The following CENPP variants were observed in gnomAD, a reference collection of about 807,000 sequenced individuals.
CENPP encodes the protein centromere protein P.
Under a neutral mutation model 35.6 loss-of-function variants are expected in CENPP, and 24 were observed. The observed-to-expected ratio is 0.67, with a 90% CI of 0.49 to 0.95. The LOEUF (loss-of-function observed/expected upper bound fraction) is 0.95. Ranked by LOEUF, CENPP falls within the 40% of genes least tolerant of loss-of-function variation. The pLI is 0.00. For missense variants in CENPP, 332 were observed against 345.3 expected (o/e 0.96, Z 0.31); for synonymous variants, 120 against 125.5 (o/e 0.96, Z 0.29).
chr9:92,421,968 T>C (rs1843811991), intron 5 of CENPP, among the ~76,000 whole-genome samples: 1 of 152,200 alleles, frequency 6.6e-6, no homozygotes, highest in Admixed American at 6.5e-5. Context: ...GGATATAGAA[T>C]ATTCTATACA....
intron 5 of CENPP, among the ~76,000 whole-genome samples, chr9:92,549,507 C>T (rs568366234): frequency 3.9e-5 from 6 of 152,108 alleles, no homozygotes; most frequent in African/African-American, 1.2e-4. Flanking sequence ...ATTAGCTGGG[C>T]GTTGTGGCAC....
chr9:92,401,127 G>A lies in CENPP; in HGVS notation c.564+21268G>A, dbSNP rs146105137. 1.8e-4 allele frequency: 275 copies of A among 1,544,858 alleles called. No individual in the cohort carries two copies. The highest frequency in any genetic ancestry group is 2.4e-4 in the Non-Finnish European group (264 of 1,119,018). Reference sequence around the variant, plus strand: ...TTTCTTGGGAGGTAATGGTGTTATTGCCTCATCTTTTTGTAATTGAAGACT... The same window carrying A: ...TTTCTTGGGAGGTAATGGTGTTATTACCTCATCTTTTTGTAATTGAAGACT... On this transcript the variant is annotated intron_variant, in intron 5 of 7. Transcript: ENST00000375587.
chr9:92,422,334 G>A (rs2130971654), intron 5 of CENPP, among the ~76,000 whole-genome samples: 1 of 152,306 alleles, frequency 6.6e-6, no homozygotes, highest in South Asian at 2.1e-4. Context: ...GATTACAGGT[G>A]TGAGCCACCT....
intron 5 of CENPP, among the ~76,000 whole-genome samples, chr9:92,393,697 G>C (rs992111992): frequency 6.6e-6 from 1 of 152,098 alleles, no homozygotes; most frequent in African/African-American, 2.4e-5. Context: ...AGCACCCCAA[G>C]TCATTTATTA....
In CENPP at chr9:92,618,763, G is replaced by C. The variant is rs548902833; in HGVS notation, c.*5614G>C. On this transcript the variant is annotated 3_prime_UTR_variant, in exon 8 of 8. Coordinates refer to ENST00000375587, the MANE Select transcript of CENPP (RefSeq NM_001012267.3). ...GTGCCTGCCAGGGAACAGGAATCCT[G>C]GGAACTGTTTAGTTCAAAAGCACCG... The C allele has an allele frequency of 2.8e-6, 1 of 359,312 alleles. No individual in the cohort carries two copies. The highest frequency in any genetic ancestry group is 2.1e-5 in the South Asian group (1 of 47,526). 22.3% of individuals were successfully genotyped at this position (359,312 alleles called of 1,614,324 possible).
At chr9:92,336,336 T>C (rs1379690291) in intron 2 of CENPP, among the ~76,000 whole-genome samples, 1 of 152,212 alleles carries the variant, frequency 6.6e-6, no homozygotes, top group Non-Finnish European at 1.5e-5. Context: ...TTAACCAGTC[T>C]TCCTATTTTG....
chr9:92,326,058 A>G lies in CENPP; in HGVS notation c.60A>G (p.Arg20=). Residue 20 remains arginine, a synonymous_variant, in exon 1 of 8, where the codon CGA becomes CGG. Transcript: ENST00000375587. ...ALQAEIAALR[R]ACEDPPAPWE... ...AAGCTGAGATCGCGGCCCTGCGGCGAGCGTGTGAGGACCCACCGGCGCCCT... is the reference window on the plus strand; with the variant it reads ...AAGCTGAGATCGCGGCCCTGCGGCGGGCGTGTGAGGACCCACCGGCGCCCT... The G allele has an allele frequency of 6.4e-7, 1 of 1,565,196 alleles. No homozygotes were observed. The highest frequency in any genetic ancestry group is 8.7e-7 in the Non-Finnish European group (1 of 1,155,748).
intron 5 of CENPP, among the ~76,000 whole-genome samples, chr9:92,443,001 A>C (rs949361040): frequency 6.6e-6 from 1 of 152,220 alleles, no homozygotes; most frequent in East Asian, 1.9e-4. Flanking sequence ...AAAAATTGAG[A>C]ACAAGGCAAG....
intron 5 of CENPP, chr9:92,393,304 G>A: frequency 1.5e-6 from 2 of 1,348,262 alleles, no homozygotes; most frequent in Non-Finnish European, 2.0e-6. Flanking sequence ...TTCTCCTCTA[G>A]TAGTAAAATT....
rs1213731251 is a variant in CENPP at position 92,382,892 on chromosome 9, CTTTTTTTTT to C, written c.564+3050_564+3058del. 5.7e-5 allele frequency among the ~76,000 whole-genome samples: 4 copies of C among 69,812 alleles called. No individual in the cohort carries two copies. The East Asian group carries it at 2.0e-3, about 36-fold the overall frequency. The allele number at this position is 69,812 out of a possible 152,430, so 45.8% of individuals were successfully genotyped here. The stretch of plus-strand genomic sequence containing the variant: ...CTTACGCTAGTACCACACTGTTTTC[CTTTTTTTTT>C]TTTTTTTTTTTTTTTTAGACAGAGT... On this transcript the variant is annotated intron_variant, in intron 5 of 7. Coordinates refer to ENST00000375587, the MANE Select transcript of CENPP (RefSeq NM_001012267.3).
intron 5 of CENPP, among the ~76,000 whole-genome samples, chr9:92,408,987 CT>C (rs1564305273): frequency 6.6e-6 from 1 of 152,148 alleles, no homozygotes; most frequent in Non-Finnish European, 1.5e-5. Flanking sequence ...ATGTATTTTA[CT>C]TCCCAGACTA....
chr9:92,386,319 G>A (rs746613465), intron 5 of CENPP: 1 of 1,458,958 alleles, frequency 6.9e-7, no homozygotes, highest in East Asian at 2.3e-5. Flanking sequence ...TTTCATGTGA[G>A]TGTTATTGAG....
intron 4 of CENPP, among the ~76,000 whole-genome samples, chr9:92,352,540 A>ATATATATATATATATATATATATAG: frequency 1.9e-5 from 1 of 53,188 alleles, no homozygotes; most frequent in East Asian, 3.0e-4. Flanking sequence ...TATATATATA[A>ATATATATATATATATATATATATAG]TATAACGGGG....
At chr9:92,373,762 G>T (rs1281077475) in intron 4 of CENPP, among the ~76,000 whole-genome samples, 1 of 152,132 alleles carries the variant, frequency 6.6e-6, no homozygotes, top group Non-Finnish European at 1.5e-5. Flanking sequence ...GGAGGCGGAG[G>T]TTGCAGTGAG....
Position 92,379,747 on chromosome 9 carries a change from T to G in CENPP, c.468-16T>G, listed in dbSNP as rs751178579. 29 of 1,542,512 alleles carry G rather than the reference T, an allele frequency of 1.9e-5. No individual in the cohort carries two copies. Among genetic ancestry groups the G allele is most frequent in the Non-Finnish European group, 2.5e-5 (28 of 1,117,994 alleles). On this transcript the variant is annotated splice_polypyrimidine_tract_variant and intron_variant, in intron 4 of 7. Transcript: ENST00000375587. The stretch of plus-strand genomic sequence containing the variant: ...TTAATGATATTTATTAATCAGAGAA[T>G]CATTTATTCCTACAGAGCAGAAGAG...
chr9:92,372,099 C>CTTTTTTTTTTTTTT (rs71362382), intron 4 of CENPP, among the ~76,000 whole-genome samples: 73 of 30,698 alleles, frequency 2.4e-3, no homozygotes, highest in East Asian at 6.2e-3. Flanking sequence ...TGCCAGCCAT[C>CTTTTTTTTTTTTTT]TTTTTTTTTT....
In CENPP at chr9:92,389,742, TAAATC is replaced by T. The variant is rs1411851761; in HGVS notation, c.564+9887_564+9891del. On this transcript the variant is annotated intron_variant, in intron 5 of 7. Transcript: ENST00000375587. ...TTATGTAAATAATGTCTTCATTTATTAAATCAAAATAGTTTTTAAGTGTAATCAAA... is the reference window on the plus strand; with the variant it reads ...TTATGTAAATAATGTCTTCATTTATTAAAATAGTTTTTAAGTGTAATCAAA... 6.9e-5 allele frequency: 47 copies of T among 681,514 alleles called. No individual in the cohort carries two copies. In the East Asian group the frequency reaches 1.2e-3, roughly 18 times the overall value. 42.2% of individuals were successfully genotyped at this position (681,514 alleles called of 1,614,324 possible). A position where few individuals can be genotyped will look rare whatever the true frequency, so the allele number is the denominator to read the frequency against.
intron 5 of CENPP, among the ~76,000 whole-genome samples, chr9:92,592,797 G>T (rs1024658786): frequency 6.6e-6 from 1 of 152,152 alleles, no homozygotes; most frequent in Non-Finnish European, 1.5e-5. Context: ...TAGCCAGTTG[G>T]GTGTGTGTGT....
At chr9:92,569,495 G>A (rs990305208) in intron 5 of CENPP, among the ~76,000 whole-genome samples, 6 of 152,198 alleles carry the variant, frequency 3.9e-5, no homozygotes, top group Non-Finnish European at 5.9e-5. Context: ...TTGTAGTATA[G>A]TTTGAAGTCA....
Sources: allele counts gnomAD v4.1 joint callset (sites outside exome capture counted in the v4.1 genomes callset), GRCh38; gene constraint gnomAD v4.1.1; transcripts MANE v1.5; gene names NCBI Gene and HGNC (gene_info 2026-07-23, HGNC 2026-07-21).